TMEM108: variants seen among roughly 807,000 people sequenced by gnomAD.
TMEM108 encodes the protein cancer/testis antigen 124.
TMEM108 carries 12 observed loss-of-function variants against 35.1 expected under a neutral mutation model. The ratio of observed to expected loss-of-function variants is 0.34; its 90% CI spans 0.22 to 0.55. TMEM108 has a LOEUF of 0.55. Ranked by LOEUF, TMEM108 falls within the 20% of genes least tolerant of loss-of-function variation. TMEM108 has a pLI of 0.89. For synonymous variants in TMEM108, 287 were observed against 308.6 expected (o/e 0.93, Z 0.73); for missense variants, 680 against 753.3 (o/e 0.90, Z 1.14).
chr3:133,086,846 A>G (rs1305305030), intron 2 of TMEM108, among the ~76,000 whole-genome samples: 15 of 152,254 alleles, frequency 9.9e-5, no homozygotes, highest in Admixed American at 7.9e-4. Context: ...GCGGTTGGCC[A>G]TACAACCATG....
chr3:133,112,322 T>C (rs1474216908), intron 2 of TMEM108, among the ~76,000 whole-genome samples: 1 of 152,212 alleles, frequency 6.6e-6, no homozygotes, highest in East Asian at 1.9e-4. Flanking sequence ...TCCATTCCCC[T>C]ATCTTCTTCC....
chr3:133,337,217 G>A (rs2071526200), intron 3 of TMEM108, among the ~76,000 whole-genome samples: 1 of 152,178 alleles, frequency 6.6e-6, no homozygotes, highest in East Asian at 1.9e-4. Context: ...TGGTAGCCAG[G>A]TAGTAGTTAT....
intron 3 of TMEM108, among the ~76,000 whole-genome samples, chr3:133,272,595 C>A (rs1439134685): frequency 2.0e-5 from 3 of 152,204 alleles, no homozygotes; most frequent in Admixed American, 6.5e-5. Flanking sequence ...CAGGTCCCCC[C>A]AAGGGGCACA....
intron 2 of TMEM108, among the ~76,000 whole-genome samples, chr3:133,147,133 TG>T (rs1944732764): frequency 6.6e-6 from 1 of 152,232 alleles, no homozygotes; most frequent in African/African-American, 2.4e-5. Flanking sequence ...CTGCTTTAGC[TG>T]TGTCCCAGAG....
At chr3:133,197,407 T>C (rs1945594794) in intron 2 of TMEM108, among the ~76,000 whole-genome samples, 1 of 152,018 alleles carries the variant, frequency 6.6e-6, no homozygotes, top group African/African-American at 2.4e-5. Context: ...ATGGCCAACA[T>C]AGGGGTGTGT....
chr3:133,155,747 C>T (rs1331095943), intron 2 of TMEM108, among the ~76,000 whole-genome samples: 5 of 152,004 alleles, frequency 3.3e-5, no homozygotes, highest in African/African-American at 4.8e-5. Flanking sequence ...GGATATTAGA[C>T]CTTTGTCAGA....
chr3:133,311,210 G>A (rs1293728540), intron 3 of TMEM108, among the ~76,000 whole-genome samples: 10 of 152,098 alleles, frequency 6.6e-5, no homozygotes, highest in African/African-American at 9.7e-5. Context: ...TGCTCTTCTC[G>A]AAGAGTATCT....
chr3:133,391,619 C>A (rs140522556), intron 5 of TMEM108, among the ~76,000 whole-genome samples: 10 of 152,268 alleles, frequency 6.6e-5, no homozygotes, highest in African/African-American at 2.4e-4. Flanking sequence ...CACTGGATTT[C>A]TTTTTGTTCC....
intron 3 of TMEM108, among the ~76,000 whole-genome samples, chr3:133,242,890 G>A (rs1051609197): frequency 6.6e-6 from 1 of 152,180 alleles, no homozygotes; most frequent in Non-Finnish European, 1.5e-5. Context: ...CAGCAGCTCA[G>A]GAGAGAGCCC....
intron 3 of TMEM108, among the ~76,000 whole-genome samples, chr3:133,373,186 C>T (rs2072727406): frequency 6.6e-6 from 1 of 151,730 alleles, no homozygotes; most frequent in Non-Finnish European, 1.5e-5. Context: ...CATGGCAAGA[C>T]CCCATTTCAA....
At chr3:133,039,741 A>G (rs1943250477) in intron 1 of TMEM108, among the ~76,000 whole-genome samples, 1 of 152,216 alleles carries the variant, frequency 6.6e-6, no homozygotes, top group African/African-American at 2.4e-5. Context: ...TAATTTATTC[A>G]GAACTCTTTC....
intron 2 of TMEM108, among the ~76,000 whole-genome samples, chr3:133,079,254 C>T (rs1943781174): frequency 6.6e-6 from 1 of 152,124 alleles, no homozygotes; most frequent in Non-Finnish European, 1.5e-5. Flanking sequence ...GGAACTTTGT[C>T]CAGAGAATGG....
chr3:133,162,041 G>A (rs9878527), intron 2 of TMEM108, among the ~76,000 whole-genome samples: 1 of 152,062 alleles, frequency 6.6e-6, no homozygotes, highest in Non-Finnish European at 1.5e-5. Flanking sequence ...TAACCTGCTA[G>A]ACATATAGCA....
At chr3:133,314,563 T>G (rs982709756) in intron 3 of TMEM108, among the ~76,000 whole-genome samples, 4 of 152,214 alleles carry the variant, frequency 2.6e-5, no homozygotes, top group East Asian at 1.9e-4. Flanking sequence ...CACTTTTGCC[T>G]CTAAAGTCTA....
intron 4 of TMEM108, chr3:133,389,265 C>T: frequency 1.0e-6 from 1 of 985,492 alleles, no homozygotes; most frequent in Non-Finnish European, 1.2e-6. Context: ...CCCTGGGAGT[C>T]TCAGGGATGA....
At chr3:133,039,135 A>C (rs1303567287) in intron 1 of TMEM108, among the ~76,000 whole-genome samples, 4 of 152,080 alleles carry the variant, frequency 2.6e-5, no homozygotes, top group African/African-American at 9.7e-5. Context: ...GAGCCGGTCT[A>C]AATGAAAGTC....
intron 4 of TMEM108, chr3:133,386,946 T>C: frequency 1.1e-6 from 1 of 914,936 alleles, no homozygotes; most frequent in African/African-American, 1.8e-5. Flanking sequence ...CAGGCAGTTA[T>C]CATGTGGGCT....
At chr3:133,310,991 T>C (rs150682939) in intron 3 of TMEM108, among the ~76,000 whole-genome samples, 2 of 152,322 alleles carry the variant, frequency 1.3e-5, no homozygotes, top group Admixed American at 6.5e-5. Flanking sequence ...AAGCTTAGTT[T>C]GGCTGGATAT....
intron 2 of TMEM108, among the ~76,000 whole-genome samples, chr3:133,095,997 G>C (rs914069419): frequency 2.0e-5 from 3 of 152,144 alleles, no homozygotes; most frequent in African/African-American, 2.4e-5. Context: ...AATTTTTGCT[G>C]TGTGGACCAT....
Sources: allele counts gnomAD v4.1 joint callset (sites outside exome capture counted in the v4.1 genomes callset), GRCh38; gene constraint gnomAD v4.1.1; transcripts MANE v1.5; gene names NCBI Gene and HGNC (gene_info 2026-07-23, HGNC 2026-07-21).